Variants in HYDIN observed in about 807,000 individuals in gnomAD.
HYDIN encodes axonemal central pair apparatus protein HYDIN.
In HYDIN, 132 loss-of-function variants were observed where a neutral mutation model predicts 403.9. That is an observed-to-expected ratio of 0.33 (90% CI 0.28 to 0.38). The LOEUF (loss-of-function observed/expected upper bound fraction) is 0.38. Ranked by LOEUF, HYDIN falls within the 10% of genes least tolerant of loss-of-function variation. The probability of loss-of-function intolerance (pLI) is 1.00; values close to 1 mark genes in which losing one functional copy is unlikely to be tolerated. For synonymous variants in HYDIN, 1,202 were observed against 1,891.7 expected, an observed-to-expected ratio of 0.64 and a Z score of 9.46; for missense variants, 2,827 against 5,009.5, an observed-to-expected ratio of 0.56 and a Z score of 13.15.
intron 45 of HYDIN, among the ~76,000 whole-genome samples, chr16:70,923,618 C>T (rs1192333003): frequency 3.5e-5 from 4 of 114,040 alleles, no homozygotes; most frequent in Admixed American, 3.1e-4. Context: ...CTGGCTAACA[C>T]GGTGAAACCC....
intron 59 of HYDIN, among the ~76,000 whole-genome samples, chr16:70,883,205 G>C (rs376243346): frequency 0.034 from 5,104 of 151,440 alleles, 84 homozygotes; most frequent in African/African-American, 0.12. Flanking sequence ...TATCGTCAAA[G>C]CATGAGGCAT....
At chr16:71,049,800 A>ACTAT (rs1401544625) in intron 18 of HYDIN, among the ~76,000 whole-genome samples, 36 of 146,760 alleles carry the variant, frequency 2.5e-4, no homozygotes, top group African/African-American at 8.3e-4. Context: ...CAAATCTTGG[A>ACTAT]ATTGAAAAAT....
At chr16:70,858,379 G>C (rs2143607528) in intron 71 of HYDIN, among the ~76,000 whole-genome samples, 1 of 149,540 alleles carries the variant, frequency 6.7e-6, no homozygotes, top group Middle Eastern at 3.5e-3. Flanking sequence ...TAACCAACTA[G>C]CTAAGTGATA....
At chr16:70,968,960 G>T (rs1281270468) in intron 36 of HYDIN, among the ~76,000 whole-genome samples, 1 of 151,458 alleles carries the variant, frequency 6.6e-6, no homozygotes, top group African/African-American at 2.4e-5. Context: ...ATATAAAAAA[G>T]AACCAAATGA....
chr16:71,226,756 C>T (rs559740903), intron 1 of HYDIN, among the ~76,000 whole-genome samples: 4 of 152,222 alleles, frequency 2.6e-5, no homozygotes, highest in African/African-American at 9.6e-5. Flanking sequence ...GACGCTCGGG[C>T]CTCCCAGAGA....
Position 71,230,602 on chromosome 16 carries a change from C to T in HYDIN, c.-64G>A, listed in dbSNP as rs1221977243. On this transcript the variant is annotated 5_prime_UTR_variant, in exon 1 of 86. Coordinates refer to ENST00000393567, the MANE Select transcript of HYDIN (RefSeq NM_001270974.2). ...GTCCCACGTTTATTCTACCTCCATT[C>T]CCCGCCAAGACCCCGCGTCCAACTC... is the stretch of plus-strand genomic sequence containing the variant. 2 of 1,535,942 alleles carry T rather than the reference C, an allele frequency of 1.3e-6. No individual in the cohort carries two copies. The highest frequency in any genetic ancestry group is 8.7e-7 in the Non-Finnish European group (1 of 1,146,882).
At chr16:71,200,439 T>G (rs1316252303) in intron 1 of HYDIN, among the ~76,000 whole-genome samples, 1 of 152,198 alleles carries the variant, frequency 6.6e-6, no homozygotes, top group Non-Finnish European at 1.5e-5. Context: ...GAGCATGGCT[T>G]AGGTTTCTGA....
intron 10 of HYDIN, among the ~76,000 whole-genome samples, chr16:71,101,999 T>G (rs1324760461): frequency 6.6e-6 from 1 of 152,262 alleles, no homozygotes; most frequent in South Asian, 2.1e-4. Flanking sequence ...GAATATTAAC[T>G]GTTAAACTAG....
intron 8 of HYDIN, 84 bp downstream of exon 8, chr16:71,137,067 C>A (rs1321287131): frequency 3.0e-6 from 3 of 985,762 alleles, no homozygotes; most frequent in Admixed American, 3.9e-5. Context: ...AAATGTAGTA[C>A]AAAATTCACT....
At chr16:70,825,358 C>T (rs905270006) in intron 83 of HYDIN, among the ~76,000 whole-genome samples, 7 of 149,224 alleles carry the variant, frequency 4.7e-5, no homozygotes, top group Admixed American at 4.0e-4. Context: ...ACTTGATGGA[C>T]CCATTCGATT....
At chr16:71,002,352 C>G (rs913601294) in intron 23 of HYDIN, among the ~76,000 whole-genome samples, 5 of 152,078 alleles carry the variant, frequency 3.3e-5, no homozygotes, top group African/African-American at 7.2e-5. Flanking sequence ...TTGAGACCAG[C>G]CTTGGCAACA....
intron 1 of HYDIN, among the ~76,000 whole-genome samples, chr16:71,227,024 C>A (rs1450380351): frequency 6.6e-6 from 1 of 152,146 alleles, no homozygotes; most frequent in Non-Finnish European, 1.5e-5. Context: ...AGATCTAGAT[C>A]AAACCCCTGG....
intron 40 of HYDIN, among the ~76,000 whole-genome samples, chr16:70,954,445 C>T (rs919797369): frequency 7.4e-6 from 1 of 135,296 alleles, no homozygotes; most frequent in Non-Finnish European, 1.6e-5. Context: ...AGAGAGATAC[C>T]TTGTCTCAAA....
intron 13 of HYDIN, among the ~76,000 whole-genome samples, chr16:71,070,321 CTT>C (rs1228628094): frequency 5.8e-5 from 8 of 137,232 alleles, no homozygotes; most frequent in Non-Finnish European, 8.1e-5. Flanking sequence ...TCCTTTCTTT[CTT>C]TTTTTTTTTT....
intron 1 of HYDIN, chr16:71,204,200 CATT>C (rs1443676242): frequency 1.3e-5 from 2 of 154,336 alleles, no homozygotes; most frequent in Non-Finnish European, 2.9e-5. Flanking sequence ...AGTTTGCAAA[CATT>C]ATTAAAAATT....
intron 75 of HYDIN, among the ~76,000 whole-genome samples, chr16:70,844,634 C>A (rs1259841011): frequency 1.4e-5 from 2 of 143,036 alleles, no homozygotes; most frequent in African/African-American, 5.4e-5. Context: ...TTACCTTGGG[C>A]AGTATGGCCA....
intron 76 of HYDIN, among the ~76,000 whole-genome samples, chr16:70,839,408 TTAAAA>T (rs371168045): frequency 3.9e-4 from 58 of 148,882 alleles, no homozygotes; most frequent in African/African-American, 1.3e-3. Context: ...TTAACATTAA[TTAAAA>T]TAAAATAAAA....
chr16:71,220,768 ATT>A, intron 1 of HYDIN, among the ~76,000 whole-genome samples: 1 of 152,320 alleles, frequency 6.6e-6, no homozygotes, highest in African/African-American at 2.4e-5. Context: ...AAGGTATTTA[ATT>A]TTTTACAAGG....
At chr16:71,209,042 C>G (rs2088445525) in intron 1 of HYDIN, among the ~76,000 whole-genome samples, 1 of 151,924 alleles carries the variant, frequency 6.6e-6, no homozygotes, top group Non-Finnish European at 1.5e-5. Context: ...CCAACTCATT[C>G]TATGAGGCCA....
Sources: gnomAD v4.1 joint callset for allele counts (sites outside exome capture counted in the v4.1 genomes callset) on GRCh38, gnomAD v4.1.1 for gene constraint, MANE v1.5 for transcripts, NCBI Gene and HGNC (gene_info 2026-07-23, HGNC 2026-07-21) for gene names.